Variants in ADGRB3 observed in about 807,000 individuals in gnomAD.
The protein encoded by ADGRB3 is adhesion G protein-coupled receptor B3.
Under a neutral mutation model 193.4 loss-of-function variants are expected in ADGRB3, and 37 were observed. The observed-to-expected ratio is 0.19, with a 90% CI of 0.15 to 0.25. ADGRB3 has a LOEUF of 0.25. Among genes scored for constraint, ADGRB3 ranks in the 10% least tolerant of loss-of-function variants. ADGRB3 has a pLI of 1.00. For synonymous variants in ADGRB3, 690 were observed against 644.2 expected (o/e 1.07, Z -1.08); for missense variants, 1,637 against 1,852.9 (o/e 0.88, Z 2.14).
intron 8 of ADGRB3, among the ~76,000 whole-genome samples, chr6:68,958,474 CT>C (rs1443382092): frequency 6.6e-6 from 1 of 151,988 alleles, no homozygotes; most frequent in African/African-American, 2.4e-5. Context: ...TACCACAGTT[CT>C]TAACTGGTCT....
intron 3 of ADGRB3, among the ~76,000 whole-genome samples, chr6:68,772,878 C>CAAACA (rs754085935): frequency 6.4e-5 from 1 of 15,710 alleles, no homozygotes; most frequent in Non-Finnish European, 1.3e-4. Flanking sequence ...AACAAACAAA[C>CAAACA]AAACAAAAAA....
intron 8 of ADGRB3, among the ~76,000 whole-genome samples, chr6:68,965,337 T>C (rs1768347035): frequency 6.6e-6 from 1 of 152,152 alleles, no homozygotes; most frequent in Non-Finnish European, 1.5e-5. Flanking sequence ...AGACACTGGA[T>C]CCGTCTTATT....
intron 17 of ADGRB3, among the ~76,000 whole-genome samples, chr6:69,180,912 G>C (rs1336620604): frequency 6.6e-6 from 1 of 152,142 alleles, no homozygotes; most frequent in Non-Finnish European, 1.5e-5. Context: ...TCTTGCTCCT[G>C]GTTCTGGGAA....
In ADGRB3 at chr6:69,229,687, T is replaced by C. The variant is rs143521343; in HGVS notation, c.2481-3603T>C. The stretch of plus-strand genomic sequence containing the variant: ...TTTTGAAATGTGTCACTATGAATTT[T>C]TGCTATCAGTCTTTTTACTAAATAG... On this transcript the variant is annotated intron_variant, in intron 17 of 31. Coordinates refer to ENST00000370598, the MANE Select transcript of ADGRB3 (RefSeq NM_001704.3). Among the ~76,000 whole-genome samples, 379 of 152,330 alleles carry C rather than the reference T, an allele frequency of 2.5e-3. 4 individuals carry two copies. The highest frequency in any genetic ancestry group is 8.9e-3 in the African/African-American group (368 of 41,580).
intron 17 of ADGRB3, among the ~76,000 whole-genome samples, chr6:69,097,785 C>T (rs1772925758): frequency 6.6e-6 from 1 of 151,644 alleles, no homozygotes; most frequent in Non-Finnish European, 1.5e-5. Flanking sequence ...GAAGTGATTC[C>T]TAAAATTATT....
intron 17 of ADGRB3, among the ~76,000 whole-genome samples, chr6:69,157,697 C>G (rs1774879137): frequency 7.1e-6 from 1 of 141,716 alleles, no homozygotes; most frequent in Non-Finnish European, 1.6e-5. Context: ...TAATATCTCT[C>G]TGTAAAAAAA....
chr6:68,785,674 T>C (rs998552053), intron 3 of ADGRB3, among the ~76,000 whole-genome samples: 2 of 152,138 alleles, frequency 1.3e-5, no homozygotes, highest in East Asian at 3.9e-4. Context: ...ATATACACAG[T>C]AATGGGATGG....
intron 17 of ADGRB3, among the ~76,000 whole-genome samples, chr6:69,123,563 A>G (rs1349854260): frequency 2.0e-5 from 3 of 152,218 alleles, no homozygotes. Context: ...TGCATCTGCC[A>G]TATAATAAAT....
At chr6:68,817,360 T>A (rs1481128338) in intron 3 of ADGRB3, among the ~76,000 whole-genome samples, 46 of 103,976 alleles carry the variant, frequency 4.4e-4, no homozygotes, top group African/African-American at 1.3e-3. Flanking sequence ...TATATATATA[T>A]AATTTCTGAC....
intron 15 of ADGRB3, among the ~76,000 whole-genome samples, chr6:69,055,832 G>T (rs375178760): frequency 1.9e-4 from 29 of 150,566 alleles, no homozygotes; most frequent in East Asian, 1.4e-3. Context: ...GCTTTGTTTT[G>T]TTTTGTTTTG....
At chr6:69,133,271 C>G (rs926413658) in intron 17 of ADGRB3, among the ~76,000 whole-genome samples, 1 of 152,186 alleles carries the variant, frequency 6.6e-6, no homozygotes, top group Admixed American at 6.5e-5. Context: ...GAATGTTTTT[C>G]CATTTATTTG....
At chr6:69,113,141 T>G (rs1773418782) in intron 17 of ADGRB3, among the ~76,000 whole-genome samples, 1 of 152,206 alleles carries the variant, frequency 6.6e-6, no homozygotes, top group South Asian at 2.1e-4. Flanking sequence ...TGAGCATCTT[T>G]GGATTTTGGT....
chr6:68,916,429 G>A (rs1766882002), intron 3 of ADGRB3, among the ~76,000 whole-genome samples: 1 of 151,972 alleles, frequency 6.6e-6, no homozygotes, highest in South Asian at 2.1e-4. Flanking sequence ...CCCTTCCAAA[G>A]TACTTTTCAG....
intron 3 of ADGRB3, among the ~76,000 whole-genome samples, chr6:68,661,141 C>T (rs1324203318): frequency 4.7e-5 from 7 of 149,658 alleles, no homozygotes; most frequent in African/African-American, 1.2e-4. Flanking sequence ...ATAGTAATGG[C>T]AAACAGGATT....
intron 3 of ADGRB3, among the ~76,000 whole-genome samples, chr6:68,924,523 T>C (rs1156519013): frequency 1.3e-5 from 2 of 152,058 alleles, no homozygotes; most frequent in African/African-American, 4.8e-5. Context: ...TAATCACTTC[T>C]ACAAAATGTT....
At chr6:68,789,170 G>T (rs1469579100) in intron 3 of ADGRB3, among the ~76,000 whole-genome samples, 23 of 151,636 alleles carry the variant, frequency 1.5e-4, no homozygotes, top group Admixed American at 1.5e-3. Flanking sequence ...AGTTAATATT[G>T]TTATGTGTGA....
intron 13 of ADGRB3, among the ~76,000 whole-genome samples, chr6:69,035,857 A>G (rs977374651): frequency 1.3e-5 from 2 of 152,154 alleles, no homozygotes; most frequent in East Asian, 3.8e-4. Flanking sequence ...GTCAAGGGTA[A>G]CACTGATTTC....
chr6:69,320,052 A>G (rs1001160022), intron 20 of ADGRB3, among the ~76,000 whole-genome samples: 1 of 151,410 alleles, frequency 6.6e-6, no homozygotes, highest in South Asian at 2.1e-4. Context: ...CTGCTATTTT[A>G]CAAATGTATT....
intron 3 of ADGRB3, among the ~76,000 whole-genome samples, chr6:68,770,987 G>T (rs921040575): frequency 6.6e-6 from 1 of 152,062 alleles, no homozygotes; most frequent in African/African-American, 2.4e-5. Context: ...TGGAAAAGTG[G>T]TATTGTGTAA....
Sources: gnomAD v4.1 joint callset for allele counts (sites outside exome capture counted in the v4.1 genomes callset) on GRCh38, gnomAD v4.1.1 for gene constraint, MANE v1.5 for transcripts, NCBI Gene and HGNC (gene_info 2026-07-23, HGNC 2026-07-21) for gene names.